The following OTOGL variants were observed in gnomAD, a reference collection of about 807,000 sequenced individuals.
OTOGL encodes the protein otogelin like, also known as otogelin-like protein.
OTOGL carries 285 observed loss-of-function variants against 318.5 expected under a neutral mutation model. That is an observed-to-expected ratio of 0.89 (90% CI 0.81 to 0.99). The LOEUF (loss-of-function observed/expected upper bound fraction) is 0.99. OTOGL is among the 50% of genes least tolerant of loss of function. The pLI is 0.00. For missense variants in OTOGL, 2,899 were observed against 2,845.6 expected (o/e 1.02, Z -0.43); for synonymous variants, 987 against 936.5 (o/e 1.05, Z -0.99).
chr12:80,102,886 G>A, intron 1 of OTOGL: 2 of 786,040 alleles, frequency 2.5e-6, no homozygotes, highest in Non-Finnish European at 4.5e-6. Context: ...ATCAAAGCTT[G>A]TATATAAGAT....
At chr12:80,175,490 C>T (rs1320029109) in intron 1 of OTOGL, among the ~76,000 whole-genome samples, 2 of 152,300 alleles carry the variant, frequency 1.3e-5, no homozygotes, top group East Asian at 3.9e-4. Context: ...TATGAGAAAA[C>T]TTGCAGATAA....
chr12:80,317,008 G>T (rs1008913336), intron 32 of OTOGL, among the ~76,000 whole-genome samples: 1 of 152,118 alleles, frequency 6.6e-6, no homozygotes, highest in African/African-American at 2.4e-5. Context: ...AGTAGTAGAA[G>T]AATTCAAAGG....
intron 1 of OTOGL, among the ~76,000 whole-genome samples, chr12:80,104,016 C>G (rs978241217): frequency 6.6e-6 from 1 of 152,092 alleles, no homozygotes; most frequent in African/African-American, 2.4e-5. Context: ...AATCCCAACA[C>G]CTACAGAAGT....
chr12:80,282,913 G>C (rs896696832), intron 26 of OTOGL, among the ~76,000 whole-genome samples: 3 of 151,830 alleles, frequency 2.0e-5, no homozygotes, highest in African/African-American at 7.3e-5. Flanking sequence ...CCCCCACTCA[G>C]AGATGACTGA....
chr12:80,346,217 A>G (rs1409539626), intron 44 of OTOGL, among the ~76,000 whole-genome samples: 2 of 152,204 alleles, frequency 1.3e-5, no homozygotes, highest in Admixed American at 1.3e-4. Flanking sequence ...AAGCACCAGA[A>G]TGTAAAACTT....
chr12:80,239,273 T>C (rs1348502916), intron 10 of OTOGL, 60 bp from the exon 11 acceptor site: 10 of 1,262,942 alleles, frequency 7.9e-6, no homozygotes, highest in Non-Finnish European at 5.5e-6. Flanking sequence ...GTAAAAATAA[T>C]AGAAGACTAT....
chr12:80,242,741 T>C (rs1165962314), intron 11 of OTOGL, among the ~76,000 whole-genome samples: 1 of 152,102 alleles, frequency 6.6e-6, no homozygotes, highest in African/African-American at 2.4e-5. Flanking sequence ...ATGATCTCTG[T>C]CCTAGGAACT....
intron 44 of OTOGL, among the ~76,000 whole-genome samples, chr12:80,348,270 T>C (rs1663339995): frequency 6.6e-6 from 1 of 152,224 alleles, no homozygotes; most frequent in Non-Finnish European, 1.5e-5. Context: ...ATTTAAGTTC[T>C]TTAATCTATC....
At chr12:80,271,877 A>T in intron 24 of OTOGL, 67 bp downstream of exon 24, 9 of 1,499,778 alleles carry the variant, frequency 6.0e-6, no homozygotes, top group Non-Finnish European at 8.2e-6. Flanking sequence ...TCCTGAAAAC[A>T]TTCTTTATAG....
At chr12:80,228,028 G>T (rs926231089) in intron 7 of OTOGL, among the ~76,000 whole-genome samples, 2 of 152,100 alleles carry the variant, frequency 1.3e-5, no homozygotes, top group African/African-American at 4.8e-5. Context: ...AGTTTTGTCC[G>T]CTCTGTTGAC....
intron 27 of OTOGL, among the ~76,000 whole-genome samples, chr12:80,300,330 G>T (rs1391039436): frequency 6.6e-6 from 1 of 151,914 alleles, no homozygotes; most frequent in East Asian, 1.9e-4. Flanking sequence ...TGGCACTTGG[G>T]TATGCTTGCC....
intron 1 of OTOGL, among the ~76,000 whole-genome samples, chr12:80,136,531 T>C (rs548827414): frequency 1.8e-4 from 28 of 152,332 alleles, no homozygotes; most frequent in African/African-American, 6.3e-4. Flanking sequence ...CCTCTTGTAC[T>C]ACTCTGTTTC....
rs1417241620 is a variant in OTOGL, at chr12:80,126,246, T to A, written c.-20+26641T>A. Among the ~76,000 whole-genome samples the A allele has an allele frequency of 3.3e-5, 5 of 152,242 alleles. No homozygotes were observed. In the South Asian group the frequency reaches 6.2e-4, roughly 19 times the overall value. On this transcript the variant is annotated intron_variant, in intron 1 of 58. Transcript: ENST00000547103. ...GAGATTCTGGTATATTGTGTCTTTG[T>A]TCTCGTTGGTTTCAAAGAACATCTT...
intron 29 of OTOGL, among the ~76,000 whole-genome samples, chr12:80,308,715 G>A (rs7136660): frequency 0.2 from 30,123 of 152,162 alleles, 3,146 homozygotes; most frequent in Middle Eastern, 0.24. Flanking sequence ...CTGCAATCCC[G>A]GCACCTTGGG....
At chr12:80,188,407 A>G (rs999446540) in intron 1 of OTOGL, among the ~76,000 whole-genome samples, 1 of 151,730 alleles carries the variant, frequency 6.6e-6, no homozygotes, top group Admixed American at 6.6e-5. Context: ...GTGTGGTGGC[A>G]TGCGCCTGTA....
Position 80,336,420 on chromosome 12 carries a change from T to C in OTOGL, c.4608T>C (p.Cys1536=), listed in dbSNP as rs767020671. 6.3e-6 allele frequency: 10 copies of C among 1,598,792 alleles called. No homozygotes were observed. The South Asian group carries it at 1.0e-4, about 16-fold the overall frequency. ...TTTCCACCATTTTTATAGGTCGGTG[T>C]TCCATGTTGTCAGAACTGAGCATTA... The part of the protein sequence containing the change: ...CCPEWECPCR[C]SMLSELSIIT... Residue 1536 remains cysteine (C), a synonymous_variant, in exon 40 of 59, where the codon TGT becomes TGC. Coordinates refer to ENST00000547103, the MANE Select transcript of OTOGL (RefSeq NM_001378609.3).
At chr12:80,247,191 C>T (rs1304000581) in intron 11 of OTOGL, among the ~76,000 whole-genome samples, 1 of 148,308 alleles carries the variant, frequency 6.7e-6, no homozygotes, top group African/African-American at 2.6e-5. Context: ...TTAGTTATTT[C>T]TTGCCTTCTG....
intron 1 of OTOGL, among the ~76,000 whole-genome samples, chr12:80,128,106 G>T (rs967006698): frequency 6.6e-6 from 1 of 152,178 alleles, no homozygotes; most frequent in East Asian, 1.9e-4. Flanking sequence ...TTTGGAGGAG[G>T]AGAGGAGCTC....
At chr12:80,260,380 C>G (rs891670422) in intron 18 of OTOGL, among the ~76,000 whole-genome samples, 5 of 152,166 alleles carry the variant, frequency 3.3e-5, no homozygotes, top group Middle Eastern at 3.4e-3. Flanking sequence ...ATCCTGTTTT[C>G]TCTTCTTTGT....
Sources: gnomAD v4.1 joint callset for allele counts (sites outside exome capture counted in the v4.1 genomes callset) on GRCh38, gnomAD v4.1.1 for gene constraint, MANE v1.5 for transcripts, NCBI Gene and HGNC (gene_info 2026-07-23, HGNC 2026-07-21) for gene names.